ZNF254: variants seen among roughly 807,000 people sequenced by gnomAD.
ZNF254 encodes the protein zinc finger protein 254.
In ZNF254, 10 loss-of-function variants were observed where a neutral mutation model predicts 12.4. The observed-to-expected ratio is 0.80, with a 90% CI of 0.50 to 1.36. ZNF254 has a LOEUF of 1.36. Ranked by LOEUF, ZNF254 falls within the 40% of genes most tolerant of loss-of-function variation. ZNF254 has a pLI of 0.00. For missense variants in ZNF254, 996 were observed against 763.9 expected, an observed-to-expected ratio of 1.30 and a Z score of -3.58; for synonymous variants, 305 against 253.4, an observed-to-expected ratio of 1.20 and a Z score of -1.93.
rs1463251332 is a variant in ZNF254, at chr19:24,126,413, G to T, written c.413G>T (p.Gly138Val). Residue 138 changes from glycine (G) to valine (V), a missense_variant, in exon 4 of 4, where the codon GGT becomes GTT. By Grantham distance (109) the Gly-to-Val change is moderately radical. Transcript: ENST00000357002. Reference protein sequence around the residue: ...SVDEYKVNKEGYNGLNQCFTT... With the variant: ...SVDEYKVNKEVYNGLNQCFTT... ...GATGAGTATAAGGTGAACAAAGAAGGTTATAATGGACTTAACCAGTGTTTC... is the reference window on the plus strand; with the variant it reads ...GATGAGTATAAGGTGAACAAAGAAGTTTATAATGGACTTAACCAGTGTTTC... 5 of 1,604,380 alleles carry T rather than the reference G, an allele frequency of 3.1e-6. No individual in the cohort carries two copies. Among genetic ancestry groups the T allele is most frequent in the African/African-American group, 1.3e-5 (1 of 74,436 alleles).
intron 1 of ZNF254, among the ~76,000 whole-genome samples, chr19:24,097,893 A>G (rs1421476438): frequency 1.3e-5 from 2 of 152,124 alleles, no homozygotes; most frequent in African/African-American, 4.8e-5. Context: ...GTCTGTTGTC[A>G]TACCTTGGTT....
At chr19:24,081,963 A>C (rs1971859517) in intron 2 of ZNF254, among the ~76,000 whole-genome samples, 1 of 152,040 alleles carries the variant, frequency 6.6e-6, no homozygotes, top group Non-Finnish European at 1.5e-5. Context: ...TCTCTACTAA[A>C]AATACAAAAA....
At chr19:24,074,912 G>A (rs899606978) in intron 2 of ZNF254, among the ~76,000 whole-genome samples, 2 of 152,120 alleles carry the variant, frequency 1.3e-5, no homozygotes, top group Non-Finnish European at 2.9e-5. Context: ...TTTTCCCAGA[G>A]GGTATTGTGA....
At chr19:24,103,744 G>C (rs1430914165) in intron 1 of ZNF254, 1 of 134,334 alleles carries the variant, frequency 7.4e-6, no homozygotes, top group African/African-American at 3.1e-5. Flanking sequence ...TTTTTTTTTT[G>C]AGATGGAGTC....
Position 24,129,900 on chromosome 19 carries a change from C to T in ZNF254, c.*1920C>T, listed in dbSNP as rs1353397828. On this transcript the variant is annotated 3_prime_UTR_variant, in exon 4 of 4. Transcript: ENST00000357002. The stretch of plus-strand genomic sequence containing the variant: ...ACCTTTGCCTGCAAGCACATATGGA[C>T]TCTTAGAATTGATTTACATAAAATT... 5.3e-5 allele frequency: 8 copies of T among 151,946 alleles called. No homozygotes were observed. 9.4% of individuals were successfully genotyped at this position (151,946 alleles called of 1,614,324 possible). A position where few individuals can be genotyped will look rare whatever the true frequency, so the allele number is the denominator to read the frequency against.
chr19:24,123,387 G>A (rs995401203), intron 3 of ZNF254, among the ~76,000 whole-genome samples: 9 of 152,094 alleles, frequency 5.9e-5, no homozygotes, highest in African/African-American at 1.7e-4. Context: ...TGATGTTGTC[G>A]AGGAGTGTTC....
intron 2 of ZNF254, among the ~76,000 whole-genome samples, chr19:24,058,642 A>C (rs1970955183): frequency 6.6e-6 from 1 of 152,008 alleles, no homozygotes; most frequent in Non-Finnish European, 1.5e-5. Context: ...TCCTGACCTC[A>C]GGTGATCCAC....
intron 1 of ZNF254, among the ~76,000 whole-genome samples, chr19:24,102,890 TA>T (rs528085534): frequency 6.6e-6 from 1 of 152,142 alleles, no homozygotes; most frequent in Non-Finnish European, 1.5e-5. Context: ...CCATGCATTT[TA>T]AAAAACTCAA....
At chr19:24,062,885 C>T (rs956829044) in intron 2 of ZNF254, among the ~76,000 whole-genome samples, 1 of 152,210 alleles carries the variant, frequency 6.6e-6, no homozygotes, top group African/African-American at 2.4e-5. Context: ...ACTGCAAACT[C>T]TGCTTCCTGG....
chr19:24,115,040 G>A (rs1333855839), intron 3 of ZNF254, among the ~76,000 whole-genome samples: 2 of 152,258 alleles, frequency 1.3e-5, no homozygotes, highest in African/African-American at 4.8e-5. Flanking sequence ...TGCTGGAGAG[G>A]ATGTGGAGAA....
chr19:24,116,747 G>C (rs532638551), intron 3 of ZNF254, among the ~76,000 whole-genome samples: 1 of 152,176 alleles, frequency 6.6e-6, no homozygotes, highest in Non-Finnish European at 1.5e-5. Context: ...GAGGAACTGC[G>C]TTCCTTTGGA....
At chr19:24,037,987 T>C (rs1970028990) in intron 1 of ZNF254, among the ~76,000 whole-genome samples, 1 of 152,172 alleles carries the variant, frequency 6.6e-6, no homozygotes, top group African/African-American at 2.4e-5. Context: ...CCTCAGGTAA[T>C]GCACCCGCCT....
intron 1 of ZNF254, among the ~76,000 whole-genome samples, chr19:24,090,034 G>GAAA (rs575080256): frequency 1.1e-5 from 1 of 94,762 alleles, no homozygotes; most frequent in Non-Finnish European, 2.2e-5. Context: ...CTAAAAATAC[G>GAAA]AAAAAAAAAA....
intron 2 of ZNF254, among the ~76,000 whole-genome samples, chr19:24,050,917 GTCTCAAAC>G (rs543910540): frequency 7.2e-4 from 110 of 152,150 alleles, no homozygotes; most frequent in Middle Eastern, 3.4e-3. Context: ...AGTCAGGCTG[GTCTCAAAC>G]TCCCAACCTC....
intron 1 of ZNF254, among the ~76,000 whole-genome samples, chr19:24,091,059 C>A: frequency 6.6e-6 from 1 of 150,852 alleles, no homozygotes; most frequent in East Asian, 2.0e-4. Flanking sequence ...AGCAATTCTC[C>A]TGCCTCAGCC....
At position 24,128,563 on chromosome 19, in the gene ZNF254, CAG is replaced by C. The variant is rs1975051511; in HGVS notation, c.*584_*585del. 1 of 151,970 alleles carries C rather than the reference CAG, an allele frequency of 6.6e-6. No homozygotes were observed. The highest frequency in any genetic ancestry group is 2.4e-5 in the African/African-American group (1 of 41,382). 9.4% of individuals were successfully genotyped at this position (151,970 alleles called of 1,614,324 possible). A position where few individuals can be genotyped will look rare whatever the true frequency, so the allele number is the denominator to read the frequency against. The stretch of plus-strand genomic sequence containing the variant: ...CAGTTGTTAAAATTTTGTTGAACAT[CAG>C]GGAGTTTAAGAAAACCCTGCAAGTA... On this transcript the variant is annotated 3_prime_UTR_variant, in exon 4 of 4. Transcript: ENST00000357002.
chr19:24,062,753 G>A (rs1047621413), intron 2 of ZNF254, among the ~76,000 whole-genome samples: 11 of 152,148 alleles, frequency 7.2e-5, no homozygotes, highest in East Asian at 1.9e-4. Context: ...TTAGTGACTC[G>A]TTAACCAAAA....
Position 24,127,298 on chromosome 19 carries a change from C to A in ZNF254, c.1298C>A (p.Pro433His), listed in dbSNP as rs1010405686. ...AAGATAATTCATACTGGAGAGAAAC[C>A]TTACAAGTGTGAAGAATGTGGCAAA... ...THKIIHTGEK[P>H]YKCEECGKAF... is the part of the protein sequence containing the mutation. Residue 433 changes from proline to histidine, a missense_variant, in exon 4 of 4, where the codon CCT becomes CAT. Transcript: ENST00000357002. 1.2e-6 allele frequency: 2 copies of A among 1,613,500 alleles called. No individual in the cohort carries two copies. The highest frequency in any genetic ancestry group is 2.7e-5 in the African/African-American group (2 of 74,862).
chr19:24,096,754 G>C (rs1413081290), intron 1 of ZNF254, among the ~76,000 whole-genome samples: 1 of 152,182 alleles, frequency 6.6e-6, no homozygotes, highest in East Asian at 1.9e-4. Context: ...GTGCCTGTGG[G>C]ATGTTGTAGT....
Sources: allele counts gnomAD v4.1 joint callset (sites outside exome capture counted in the v4.1 genomes callset), GRCh38; gene constraint gnomAD v4.1.1; transcripts MANE v1.5; gene names NCBI Gene and HGNC (gene_info 2026-07-23, HGNC 2026-07-21).